The following DENND1A variants were observed in gnomAD, a reference collection of about 807,000 sequenced individuals.
The protein encoded by DENND1A is DENN domain containing 1A, also known as DENN domain-containing protein 1A.
Under a neutral mutation model 113.7 loss-of-function variants are expected in DENND1A, and 51 were observed. That is an observed-to-expected ratio of 0.45 (90% confidence interval 0.36 to 0.57). DENND1A has a LOEUF of 0.57. Among genes scored for constraint, DENND1A ranks in the 20% least tolerant of loss-of-function variants. The pLI is 0.00. For missense variants in DENND1A, 1,258 were observed against 1,395.9 expected (o/e 0.90, Z 1.57); for synonymous variants, 565 against 570.8 (o/e 0.99, Z 0.14).
intron 1 of DENND1A, among the ~76,000 whole-genome samples, chr9:123,917,035 T>C (rs1201052322): frequency 6.6e-6 from 1 of 151,672 alleles, no homozygotes; most frequent in Non-Finnish European, 1.5e-5. Flanking sequence ...AATACAAACA[T>C]CAGCTGGGCA....
chr9:123,473,629 C>T (rs1341169916), intron 13 of DENND1A, among the ~76,000 whole-genome samples: 3 of 152,202 alleles, frequency 2.0e-5, no homozygotes, highest in Non-Finnish European at 2.9e-5. Flanking sequence ...TGGAACCACC[C>T]GTTCCTCTTG....
At chr9:123,863,676 C>G (rs952346847) in intron 2 of DENND1A, among the ~76,000 whole-genome samples, 1 of 152,078 alleles carries the variant, frequency 6.6e-6, no homozygotes, top group Admixed American at 6.5e-5. Flanking sequence ...TTTATGCTGC[C>G]TTCGCAAACT....
chr9:123,774,171 G>T (rs1830140805), intron 3 of DENND1A, among the ~76,000 whole-genome samples: 1 of 151,992 alleles, frequency 6.6e-6, no homozygotes, highest in Admixed American at 6.6e-5. Flanking sequence ...ATACCATAAG[G>T]GAAATGCTGA....
At chr9:123,620,239 G>GAA (rs1683947175) in intron 10 of DENND1A, among the ~76,000 whole-genome samples, 5 of 106,644 alleles carry the variant, frequency 4.7e-5, no homozygotes, top group African/African-American at 1.2e-4. Context: ...AAAAAAAAAA[G>GAA]AAAAGAAAAA....
Position 123,382,343 on chromosome 9 carries a change from T to C in DENND1A, c.2302A>G (p.Thr768Ala). 1 of 1,604,842 alleles carries C rather than the reference T, an allele frequency of 6.2e-7. No individual in the cohort carries two copies. The highest frequency in any genetic ancestry group is 1.1e-5 in the South Asian group (1 of 89,836). ...GGAGGCACGATGCCCAGCTCTGGGG[T>C]CTTCCTGCCTTGGGGCCGGGGGATG... ...ITIPRPQGRK[T>A]PELGIVPPPP... Residue 768 changes from threonine (T) to alanine (A), a missense_variant, in exon 24 of 24, where the codon ACC (threonine) becomes GCC (alanine). By Grantham distance (58) the Thr-to-Ala change is moderately conservative. This residue lies in a region of DENND1A where 1,159 missense variants were observed against 1,231.7 expected (regional missense o/e 0.94). Transcript: ENST00000394215.
At chr9:123,670,947 G>A (rs2063734160) in intron 7 of DENND1A, among the ~76,000 whole-genome samples, 1 of 152,200 alleles carries the variant, frequency 6.6e-6, no homozygotes, top group South Asian at 2.1e-4. Flanking sequence ...CAGCAGTGCT[G>A]GGGGACGAGG....
intron 5 of DENND1A, among the ~76,000 whole-genome samples, chr9:123,745,259 A>G (rs916952418): frequency 1.3e-5 from 2 of 152,202 alleles, no homozygotes; most frequent in African/African-American, 4.8e-5. Flanking sequence ...CTTTCAGATA[A>G]TGATCAACTT....
Position 123,671,182 on chromosome 9 carries a change from G to C in DENND1A, c.453+109C>G, listed in dbSNP as rs923330637. ...AGAGGTCTCAGAGTATTTGGGGGTAGGGTTAGGGGAGGTATGGCTGACAAA... is the reference window on the plus strand; with the variant it reads ...AGAGGTCTCAGAGTATTTGGGGGTACGGTTAGGGGAGGTATGGCTGACAAA... On this transcript the variant is annotated intron_variant, in intron 7 of 23. Transcript: ENST00000394215. The C allele has an allele frequency of 2.4e-6, 3 of 1,247,368 alleles. No homozygotes were observed. The African/African-American group carries it at 4.5e-5, about 19-fold the overall frequency. The allele number at this position is 1,247,368 out of a possible 1,614,324, so 77.3% of individuals were successfully genotyped here.
chr9:123,418,077 T>A (rs183899272), intron 19 of DENND1A, among the ~76,000 whole-genome samples: 24 of 152,294 alleles, frequency 1.6e-4, no homozygotes, highest in Admixed American at 1.5e-3. Flanking sequence ...GGGAGGGATA[T>A]AATCAGAGAC....
At chr9:123,673,146 G>T (rs760075968) in intron 6 of DENND1A, among the ~76,000 whole-genome samples, 35 of 152,150 alleles carry the variant, frequency 2.3e-4, no homozygotes, top group Non-Finnish European at 4.6e-4. Flanking sequence ...CATGATGTTT[G>T]CTTTCATCAA....
chr9:123,731,300 C>T (rs1163737910), intron 5 of DENND1A, among the ~76,000 whole-genome samples: 2 of 152,006 alleles, frequency 1.3e-5, no homozygotes, highest in African/African-American at 4.8e-5. Context: ...AAGATTAATG[C>T]TATCTGATTT....
intron 13 of DENND1A, among the ~76,000 whole-genome samples, chr9:123,500,169 T>C (rs58683394): frequency 6.6e-6 from 1 of 152,204 alleles, no homozygotes; most frequent in Non-Finnish European, 1.5e-5. Context: ...ACTTATTTTT[T>C]CCCAGGTTCC....
At chr9:123,581,554 G>A (rs1330942256) in intron 12 of DENND1A, among the ~76,000 whole-genome samples, 2 of 152,072 alleles carry the variant, frequency 1.3e-5, no homozygotes, top group South Asian at 4.1e-4. Context: ...GAGCCCAGGA[G>A]GCAGAGGCTG....
At chr9:123,423,840 T>C (rs1235285626) in intron 19 of DENND1A, among the ~76,000 whole-genome samples, 1 of 152,134 alleles carries the variant, frequency 6.6e-6, no homozygotes, top group Non-Finnish European at 1.5e-5. Context: ...TGCAACAAAC[T>C]GTAAGTGGTT....
At chr9:123,718,097 T>C (rs1367510863) in intron 5 of DENND1A, among the ~76,000 whole-genome samples, 1 of 152,208 alleles carries the variant, frequency 6.6e-6, no homozygotes, top group African/African-American at 2.4e-5. Flanking sequence ...TCCTGACAGA[T>C]ACATTTTGTA....
intron 4 of DENND1A, among the ~76,000 whole-genome samples, chr9:123,761,169 C>T (rs763112830): frequency 7.2e-5 from 11 of 152,172 alleles, no homozygotes; most frequent in Non-Finnish European, 1.5e-4. Flanking sequence ...ACCCTACAGG[C>T]TCAGAGAAAG....
chr9:123,621,160 CA>C (rs149552612), intron 10 of DENND1A, among the ~76,000 whole-genome samples: 9,297 of 139,468 alleles, frequency 0.067, 346 homozygotes, highest in Middle Eastern at 0.13. Context: ...TTAGTTGATG[CA>C]AAAAAAAAAT....
At chr9:123,546,276 AGG>A (rs1564691853) in intron 13 of DENND1A, among the ~76,000 whole-genome samples, 1 of 151,398 alleles carries the variant, frequency 6.6e-6, no homozygotes, top group African/African-American at 2.4e-5. Context: ...TGGCCGGGCG[AGG>A]TGGCTCACGC....
At chr9:123,652,489 T>C (rs905516970) in intron 8 of DENND1A, among the ~76,000 whole-genome samples, 3 of 152,184 alleles carry the variant, frequency 2.0e-5, no homozygotes, top group Non-Finnish European at 4.4e-5. Flanking sequence ...TAATAAGCAA[T>C]GAAGACAGGA....
Sources: allele counts gnomAD v4.1 joint callset (sites outside exome capture counted in the v4.1 genomes callset), GRCh38; gene constraint gnomAD v4.1.1; regional missense constraint gnomAD v4.1.1; transcripts MANE v1.5; gene names NCBI Gene and HGNC (gene_info 2026-07-23, HGNC 2026-07-21).